Variants in MATN2 observed in about 807,000 individuals in gnomAD.
The protein encoded by MATN2 is matrilin 2.
A neutral mutation model predicts 103.2 loss-of-function variants in MATN2; 69 were observed. The ratio of observed to expected loss-of-function variants is 0.67; its 90% confidence interval spans 0.55 to 0.82. The LOEUF is 0.82. Ranked by LOEUF, MATN2 falls within the 40% of genes least tolerant of loss-of-function variation. The pLI is 0.00. For missense variants in MATN2, 1,023 were observed against 1,211.5 expected, an observed-to-expected ratio of 0.84 and a Z score of 2.31; for synonymous variants, 429 against 450.2, an observed-to-expected ratio of 0.95 and a Z score of 0.60.
chr8:97,876,186 A>ATTT (rs899171638), intron 1 of MATN2, among the ~76,000 whole-genome samples: 3 of 106,300 alleles, frequency 2.8e-5, no homozygotes, highest in Non-Finnish European at 3.9e-5. Flanking sequence ...TAATTATTGT[A>ATTT]TTTTTTTTTT....
At chr8:97,884,224 T>C (rs1818350786) in intron 1 of MATN2, among the ~76,000 whole-genome samples, 1 of 151,808 alleles carries the variant, frequency 6.6e-6, no homozygotes, top group Admixed American at 6.6e-5. Flanking sequence ...CATTGCAGCC[T>C]TCACCTTCCG....
At position 98,021,283 on chromosome 8, in the gene MATN2, G is replaced by A; in HGVS notation, c.1898G>A (p.Cys633Tyr). 1.2e-6 allele frequency: 2 copies of A among 1,613,656 alleles called. No homozygotes were observed. The highest frequency in any genetic ancestry group is 1.7e-4 in the Middle Eastern group (1 of 6,060). ...VNNGNSYICK[C>Y]SEGFVLAEDG... ...AATGGGAATTCCTACATCTGCAAAT[G>A]CTCAGAGGGATTTGTTCTAGCTGAG... The change falls in exon 13 of 19, where the codon TGC becomes TAC. Residue 633 changes from cysteine to tyrosine, a missense_variant. Transcript: ENST00000254898.
intron 4 of MATN2, among the ~76,000 whole-genome samples, chr8:97,950,015 C>T (rs571538727): frequency 6.6e-6 from 1 of 152,082 alleles, no homozygotes; most frequent in African/African-American, 2.4e-5. Flanking sequence ...GAGTGGGGAG[C>T]AGCAGGGAGA....
At chr8:97,882,521 C>G (rs745820462) in intron 1 of MATN2, among the ~76,000 whole-genome samples, 1 of 151,856 alleles carries the variant, frequency 6.6e-6, no homozygotes, top group East Asian at 1.9e-4. Context: ...GCCCCTCCCT[C>G]GAGTAGCTGT....
At chr8:97,916,294 TC>T (rs1285395399) in intron 2 of MATN2, among the ~76,000 whole-genome samples, 1 of 152,180 alleles carries the variant, frequency 6.6e-6, no homozygotes, top group Non-Finnish European at 1.5e-5. Context: ...GGTCTCGAAC[TC>T]CTGGCCTCAC....
intron 6 of MATN2, among the ~76,000 whole-genome samples, chr8:97,979,231 A>G (rs1051576723): frequency 6.6e-6 from 1 of 152,200 alleles, no homozygotes; most frequent in Non-Finnish European, 1.5e-5. Flanking sequence ...TGAAGGCACC[A>G]TGTGTAGGAC....
chr8:97,931,535 C>G lies in MATN2; in HGVS notation c.712+13C>G. ...AAGAAGTTGTGCAGTAAGTCCTGCT[C>G]CTTTGTCACTCTTCTAGAGGAACCA... On this transcript the variant is annotated intron_variant, in intron 3 of 18. Transcript: ENST00000254898. This position sits in a 1 kb window ranked among gnomAD's most constrained non-coding sequence, Gnocchi z 4.1. The G allele has an allele frequency of 6.3e-7, 1 of 1,583,468 alleles. No individual in the cohort carries two copies. Among genetic ancestry groups the G allele is most frequent in the Non-Finnish European group, 8.6e-7 (1 of 1,167,160 alleles).
intron 2 of MATN2, among the ~76,000 whole-genome samples, chr8:97,914,779 C>T (rs1175707081): frequency 6.6e-6 from 1 of 152,192 alleles, no homozygotes; most frequent in African/African-American, 2.4e-5. Context: ...GTGTGCATCC[C>T]ACTCTGTTCT....
chr8:97,888,158 C>T lies in MATN2; in HGVS notation c.58C>T (p.Pro20Ser). 2 of 1,609,548 alleles carry T rather than the reference C, an allele frequency of 1.2e-6. No homozygotes were observed. The highest frequency in any genetic ancestry group is 2.2e-5 in the East Asian group (1 of 44,576). ...LLILGQIVLL[P>S]AEARERSRGR... ...GATCCTCGGACAGATCGTCCTCCTC[C>T]CTGCCGAGGCCAGGGAGCGGTCACG... The change falls in exon 2 of 19, where the codon CCT becomes TCT. Residue 20 changes from proline to serine, a missense_variant. Physicochemically the swap from Pro to Ser is moderately conservative, Grantham distance 74. Coordinates refer to ENST00000254898, the MANE Select transcript of MATN2 (RefSeq NM_002380.5).
chr8:97,919,612 C>T (rs1206584317), intron 2 of MATN2, among the ~76,000 whole-genome samples: 8 of 152,178 alleles, frequency 5.3e-5, no homozygotes, highest in Admixed American at 4.6e-4. Flanking sequence ...TGCTGACCAG[C>T]GTTCCCAGCC....
At chr8:97,921,123 T>C (rs1309944003) in intron 2 of MATN2, among the ~76,000 whole-genome samples, 1 of 152,216 alleles carries the variant, frequency 6.6e-6, no homozygotes, top group Non-Finnish European at 1.5e-5. Flanking sequence ...TCAGAAACCC[T>C]TTCTGGGCCT....
At chr8:97,922,098 C>G (rs1392658355) in intron 2 of MATN2, among the ~76,000 whole-genome samples, 1 of 152,142 alleles carries the variant, frequency 6.6e-6, no homozygotes, top group Non-Finnish European at 1.5e-5. Context: ...GTGAAACAGT[C>G]CCCCTCTTCC....
chr8:98,012,351 C>T (rs1015991562), intron 10 of MATN2, among the ~76,000 whole-genome samples: 33 of 152,062 alleles, frequency 2.2e-4, no homozygotes, highest in African/African-American at 7.5e-4. Context: ...AGGATGGAGC[C>T]GTGGGAGCAC....
Position 97,931,496 on chromosome 8 carries a change from C to T in MATN2, c.686C>T (p.Thr229Ile), listed in dbSNP as rs1485795702. ...AATTTCAGCCAGATTGAGACGCTGA[C>T]CTCCGTGTTCCAGAAGAAGTTGTGC... ...VANFSQIETL[T>I]SVFQKKLCTA... The change falls in exon 3 of 19, where the codon ACC becomes ATC. Residue 229 changes from threonine (T) to isoleucine (I), a missense_variant. By Grantham distance (89) the Thr-to-Ile change is moderately conservative. Coordinates refer to ENST00000254898, the MANE Select transcript of MATN2 (RefSeq NM_002380.5). The surrounding 1 kb of genome is among the most constrained non-coding windows in gnomAD (Gnocchi z 4.1). The T allele has an allele frequency of 1.2e-6, 2 of 1,610,012 alleles. No individual in the cohort carries two copies. Among genetic ancestry groups the T allele is most frequent in the South Asian group, 2.2e-5 (2 of 90,540 alleles).
At chr8:97,871,030 C>A (rs1429166844) in intron 1 of MATN2, among the ~76,000 whole-genome samples, 2 of 152,170 alleles carry the variant, frequency 1.3e-5, no homozygotes, top group Non-Finnish European at 2.9e-5. Flanking sequence ...CCCAGGCAAC[C>A]CAGGGCCACC....
At chr8:97,889,457 G>GTATATATATATATATATA (rs1164752239) in intron 2 of MATN2, among the ~76,000 whole-genome samples, 4 of 15,672 alleles carry the variant, frequency 2.6e-4, no homozygotes, top group African/African-American at 6.5e-4. Flanking sequence ...CTCTCTCTCT[G>GTATATATATATATATATA]TCTATATATA....
At chr8:97,893,420 C>T (rs777346286) in intron 2 of MATN2, among the ~76,000 whole-genome samples, 2 of 152,150 alleles carry the variant, frequency 1.3e-5, no homozygotes, top group Non-Finnish European at 2.9e-5. Context: ...TGCTAATGGC[C>T]GCCTGCTTCG....
intron 10 of MATN2, among the ~76,000 whole-genome samples, chr8:98,014,892 T>C (rs1813307787): frequency 6.6e-6 from 1 of 152,222 alleles, no homozygotes; most frequent in African/African-American, 2.4e-5. Context: ...TATTTAATAA[T>C]TCCGATTCAT....
chr8:98,032,544 G>GT (rs1814073461), intron 16 of MATN2, among the ~76,000 whole-genome samples: 1 of 151,472 alleles, frequency 6.6e-6, no homozygotes, highest in African/African-American at 2.4e-5. Flanking sequence ...TGTTGTTGTT[G>GT]TTTTTTTGAG....
Sources: allele counts gnomAD v4.1 joint callset (sites outside exome capture counted in the v4.1 genomes callset), GRCh38; gene constraint gnomAD v4.1.1; non-coding constraint Gnocchi (gnomAD v3.1); transcripts MANE v1.5; gene names NCBI Gene and HGNC (gene_info 2026-07-23, HGNC 2026-07-21).